The following ARHGAP44 variants were observed in gnomAD, a reference collection of about 807,000 sequenced individuals.
ARHGAP44 encodes Rho GTPase activating protein 44.
In ARHGAP44, 43 loss-of-function variants were observed where a neutral mutation model predicts 106.8. The ratio of observed to expected loss-of-function variants is 0.40; its 90% confidence interval spans 0.32 to 0.52. The LOEUF (loss-of-function observed/expected upper bound fraction) is 0.52. ARHGAP44 is among the 20% of genes least tolerant of loss of function. ARHGAP44 has a pLI of 0.48. For synonymous variants in ARHGAP44, 439 were observed against 410.3 expected (o/e 1.07, Z -0.85); for missense variants, 866 against 1,050.5 (o/e 0.82, Z 2.43).
chr17:12,973,494 CACAA>C (rs2039580408), intron 17 of ARHGAP44, 175 bp downstream of exon 17: 1 of 664,686 alleles, frequency 1.5e-6, no homozygotes, highest in African/African-American at 1.8e-5. Context: ...GGACCATAGG[CACAA>C]GCAGCCCCTT....
Position 12,958,767 on chromosome 17 carries a change from C to G in ARHGAP44, c.1393C>G (p.His465Asp). The G allele has an allele frequency of 1.2e-6, 2 of 1,613,850 alleles. No homozygotes were observed. The highest frequency in any genetic ancestry group is 1.7e-6 in the Non-Finnish European group (2 of 1,179,868). The change falls in exon 16 of 21, where the codon CAT (histidine) becomes GAT (aspartate). Residue 465 changes from histidine to aspartate, a missense_variant. Physicochemically the swap from His to Asp is moderately conservative, Grantham distance 81. Around this residue, in one of 2 missense-constraint regions of ARHGAP44, gnomAD observed 448 missense variants for 646.9 expected, o/e 0.69. Coordinates refer to ENST00000379672, the MANE Select transcript of ARHGAP44 (RefSeq NM_014859.6). This position sits in a 1 kb window ranked among gnomAD's most constrained non-coding sequence, Gnocchi z 4.1. The stretch of plus-strand genomic sequence containing the variant: ...TTATGGGAGTCCAGTACACGTGAAC[C>G]ATAATGCCAACTACAGCTCAATGCC... ...GNYGSPVHVN[H>D]NANYSSMPSP...
At chr17:12,795,132 G>A (rs1294294686) in intron 1 of ARHGAP44, among the ~76,000 whole-genome samples, 2 of 152,216 alleles carry the variant, frequency 1.3e-5, no homozygotes, top group Admixed American at 6.5e-5. Context: ...CAGCAGGGCT[G>A]GGCGGACCCA....
At chr17:12,793,790 T>C (rs1011450785) in intron 1 of ARHGAP44, among the ~76,000 whole-genome samples, 2 of 152,206 alleles carry the variant, frequency 1.3e-5, no homozygotes, top group South Asian at 4.1e-4. Flanking sequence ...TTTTATCTTT[T>C]GTCATTTACT....
chr17:12,932,517 T>C (rs1420512293), intron 7 of ARHGAP44, among the ~76,000 whole-genome samples: 1 of 152,222 alleles, frequency 6.6e-6, no homozygotes, highest in Non-Finnish European at 1.5e-5. Flanking sequence ...ATTAAAAATT[T>C]AATAATGTGT....
At chr17:12,837,233 A>G (rs2035263371) in intron 1 of ARHGAP44, among the ~76,000 whole-genome samples, 1 of 152,224 alleles carries the variant, frequency 6.6e-6, no homozygotes, top group African/African-American at 2.4e-5. Context: ...TGAAAATACA[A>G]TGTATCAAAA....
At chr17:12,824,963 C>G (rs932100560) in intron 1 of ARHGAP44, among the ~76,000 whole-genome samples, 5 of 151,908 alleles carry the variant, frequency 3.3e-5, no homozygotes, top group African/African-American at 1.2e-4. Flanking sequence ...ATTTTATGTT[C>G]TTGTGGAACT....
chr17:12,893,764 GC>G (rs1181842069), intron 1 of ARHGAP44, among the ~76,000 whole-genome samples: 1 of 152,158 alleles, frequency 6.6e-6, no homozygotes, highest in Non-Finnish European at 1.5e-5. Context: ...GTCTTTCTAG[GC>G]TGCTCCTTTC....
chr17:12,830,575 A>T (rs1284423505), intron 1 of ARHGAP44, among the ~76,000 whole-genome samples: 1 of 152,122 alleles, frequency 6.6e-6, no homozygotes, highest in Non-Finnish European at 1.5e-5. Context: ...ATGTGGTGGG[A>T]TTAGTTTCTA....
At chr17:12,835,491 G>A (rs887243536) in intron 1 of ARHGAP44, among the ~76,000 whole-genome samples, 2 of 152,154 alleles carry the variant, frequency 1.3e-5, no homozygotes, top group Non-Finnish European at 2.9e-5. Flanking sequence ...TTTGTCTTCT[G>A]AGAACAGTAA....
chr17:12,826,105 C>A (rs1355293780), intron 1 of ARHGAP44, among the ~76,000 whole-genome samples: 1 of 151,996 alleles, frequency 6.6e-6, no homozygotes, highest in South Asian at 2.1e-4. Context: ...GTCAGGGGTA[C>A]GTGTACAGGT....
intron 5 of ARHGAP44, among the ~76,000 whole-genome samples, chr17:12,917,631 G>A (rs574974777): frequency 2.0e-5 from 3 of 152,054 alleles, no homozygotes; most frequent in African/African-American, 7.2e-5. Flanking sequence ...AGCTACACCC[G>A]GAAAAATACG....
Position 12,973,330 on chromosome 17 carries a change from C to T in ARHGAP44, c.1541+11C>T. 6.2e-7 allele frequency: 1 copy of T among 1,606,678 alleles called. No individual in the cohort carries two copies. Among genetic ancestry groups the T allele is most frequent in the Non-Finnish European group, 8.5e-7 (1 of 1,176,448 alleles). On this transcript the variant is annotated intron_variant, in intron 17 of 20. Transcript: ENST00000379672. ...TAGGAAAATCCAAAGGTATGGTATC[C>T]TCTGGTAGCTATGAGGCCATGCTCA...
intron 1 of ARHGAP44, among the ~76,000 whole-genome samples, chr17:12,806,001 G>A (rs976631912): frequency 7.9e-5 from 12 of 152,212 alleles, no homozygotes; most frequent in Admixed American, 1.3e-4. Context: ...AGTGGCAACG[G>A]ACAGATGACC....
intron 1 of ARHGAP44, among the ~76,000 whole-genome samples, chr17:12,870,897 A>G (rs1435911277): frequency 6.6e-6 from 1 of 152,134 alleles, no homozygotes; most frequent in Non-Finnish European, 1.5e-5. Flanking sequence ...AGTGAGCATT[A>G]AGGAATGGGA....
At chr17:12,828,028 CAA>C (rs60301804) in intron 1 of ARHGAP44, among the ~76,000 whole-genome samples, 16,311 of 73,066 alleles carry the variant, frequency 0.22, 754 homozygotes, top group East Asian at 0.35. Context: ...CTGGCCATCT[CAA>C]AAAAAAAAAA....
chr17:12,911,325 A>AT (rs150587322), intron 4 of ARHGAP44, among the ~76,000 whole-genome samples: 85 of 150,516 alleles, frequency 5.6e-4, no homozygotes, highest in African/African-American at 7.8e-4. Context: ...CAATATGGAG[A>AT]TTTTTTTTTT....
chr17:12,896,810 C>T (rs2037219855), intron 3 of ARHGAP44, among the ~76,000 whole-genome samples: 1 of 152,184 alleles, frequency 6.6e-6, no homozygotes, highest in South Asian at 2.1e-4. Context: ...GAGATCCCAC[C>T]TCTAGGGAAG....
rs1555546588 is a variant in ARHGAP44 at position 12,845,515 on chromosome 17, A to AAAAAAAC, written c.54-49419_54-49418insCAAAAAA. On this transcript the variant is annotated intron_variant, in intron 1 of 20. Transcript: ENST00000379672. Reference sequence around the variant, plus strand: ...AAGCAAGACTCCGTCTCAAAAAAAAAAAAAAAACAAAAAAACAACTCTTTC... The same window carrying AAAAAAAC: ...AAGCAAGACTCCGTCTCAAAAAAAAAAAAAAACAAAAAAACAAAAAAACAACTCTTTC... 8.4e-3 allele frequency among the ~76,000 whole-genome samples: 1,096 copies of AAAAAAAC among 130,928 alleles called. 15 individuals are homozygous for AAAAAAAC. The highest frequency in any genetic ancestry group is 0.03 in the African/African-American group (1,048 of 34,412). 85.9% of individuals were successfully genotyped at this position (130,928 alleles called of 152,430 possible).
At chr17:12,826,046 A>T (rs1475291662) in intron 1 of ARHGAP44, among the ~76,000 whole-genome samples, 1 of 152,138 alleles carries the variant, frequency 6.6e-6, no homozygotes, top group Non-Finnish European at 1.5e-5. Flanking sequence ...AGAGATCTCT[A>T]ATTTTTGACA....
Sources: gnomAD v4.1 joint callset for allele counts (sites outside exome capture counted in the v4.1 genomes callset) on GRCh38, gnomAD v4.1.1 for gene constraint, gnomAD v4.1.1 regional missense constraint, Gnocchi (gnomAD v3.1) non-coding constraint, MANE v1.5 for transcripts, NCBI Gene and HGNC (gene_info 2026-07-23, HGNC 2026-07-21) for gene names.